HIVEP1: variants seen among roughly 807,000 people sequenced by gnomAD.
HIVEP1 encodes the protein HIVEP zinc finger 1, also known as zinc finger protein 40.
HIVEP1 carries 36 observed loss-of-function variants against 180.0 expected under a neutral mutation model. That is an observed-to-expected ratio of 0.20 (90% CI 0.15 to 0.26). The LOEUF (loss-of-function observed/expected upper bound fraction) is 0.26. HIVEP1 is among the 10% of genes least tolerant of loss of function. The probability of loss-of-function intolerance (pLI) is 1.00; values close to 1 mark genes in which losing one functional copy is unlikely to be tolerated. For missense variants in HIVEP1, 3,143 were observed against 3,268.7 expected (o/e 0.96, Z 0.94); for synonymous variants, 1,239 against 1,239.0 (o/e 1.00, Z 0.00).
At position 12,012,584 on chromosome 6, in the gene HIVEP1, C is replaced by G. The variant is rs1395177585; in HGVS notation, c.-104+18C>G. The G allele has an allele frequency of 5.6e-5, 6 of 107,302 alleles. No homozygotes were observed. Among genetic ancestry groups the G allele is most frequent in the African/African-American group, 2.4e-4 (6 of 24,630 alleles). The allele number at this position is 107,302 out of a possible 1,614,324, so 6.6% of individuals were successfully genotyped here. A position where few individuals can be genotyped will look rare whatever the true frequency, so the allele number is the denominator to read the frequency against. On this transcript the variant is annotated intron_variant, in intron 1 of 8. Transcript: ENST00000379388. ...GGCAGCAGGTTCGGCGCGGGCTCCG[C>G]GGCGGGGGCGCTGCAGCTGGGGAGG...
At chr6:12,204,360 T>TCTCTTCCCCGTCTTCCTCTTTTACCTC in the HIVEP1 span, among the ~76,000 whole-genome samples, 3 of 150,528 alleles carry the variant, frequency 2.0e-5, no homozygotes, top group Non-Finnish European at 4.4e-5. Context: ...TCAAGCTTCC[T>TCTCTTCCCCGTCTTCCTCTTTTACCTC]CCCTTCCCCG....
chr6:12,191,489 G>A, the HIVEP1 span, among the ~76,000 whole-genome samples: 3 of 152,196 alleles, frequency 2.0e-5, no homozygotes, highest in South Asian at 4.1e-4. Context: ...AACTACTCAG[G>A]AGGCTGAGGT....
intron 6 of HIVEP1, among the ~76,000 whole-genome samples, chr6:12,135,415 A>G (rs1758648334): frequency 6.6e-6 from 1 of 152,228 alleles, no homozygotes; most frequent in Non-Finnish European, 1.5e-5. Flanking sequence ...CAAATGAGAA[A>G]GAGCCAGCAG....
intron 3 of HIVEP1, among the ~76,000 whole-genome samples, chr6:12,092,003 C>G (rs1013743811): frequency 1.3e-5 from 2 of 152,154 alleles, no homozygotes; most frequent in Non-Finnish European, 2.9e-5. Flanking sequence ...AATTTTAATA[C>G]TCTTAAATTT....
chr6:12,193,944 T>TA, the HIVEP1 span, among the ~76,000 whole-genome samples: 1 of 152,178 alleles, frequency 6.6e-6, no homozygotes, highest in African/African-American at 2.4e-5. Flanking sequence ...AATTCAATAT[T>TA]AAAAGGAAAT....
intron 2 of HIVEP1, among the ~76,000 whole-genome samples, chr6:12,074,751 T>C (rs1276534655): frequency 1.4e-5 from 2 of 145,584 alleles, no homozygotes; most frequent in Non-Finnish European, 3.0e-5. Flanking sequence ...TTTAAAAAAT[T>C]ATCACTTTTT....
intron 2 of HIVEP1, among the ~76,000 whole-genome samples, chr6:12,046,845 C>CTGTGTGTGTGTGTGTG (rs372934680): frequency 0.086 from 12,112 of 140,844 alleles, 589 homozygotes; most frequent in Admixed American, 0.12. Flanking sequence ...TGCCACTACA[C>CTGTGTGTGTGTGTGTG]TGTGTGTGTG....
intron 3 of HIVEP1, among the ~76,000 whole-genome samples, chr6:12,093,688 A>G (rs1773622982): frequency 6.6e-6 from 1 of 151,260 alleles, no homozygotes; most frequent in Non-Finnish European, 1.5e-5. Flanking sequence ...TTAATTTTTC[A>G]TTTTTGTGTG....
intron 2 of HIVEP1, among the ~76,000 whole-genome samples, chr6:12,040,488 C>T (rs570555631): frequency 6.6e-6 from 1 of 152,148 alleles, no homozygotes; most frequent in Non-Finnish European, 1.5e-5. Flanking sequence ...TGAGGCTGTA[C>T]TACTGTTTTG....
the HIVEP1 span, among the ~76,000 whole-genome samples, chr6:12,197,774 A>T: frequency 6.6e-6 from 1 of 152,132 alleles, no homozygotes; most frequent in African/African-American, 2.4e-5. Context: ...ATGAATTAAG[A>T]TGGTAGAGAA....
At chr6:12,039,619 G>A (rs902599984) in intron 2 of HIVEP1, among the ~76,000 whole-genome samples, 1 of 152,202 alleles carries the variant, frequency 6.6e-6, no homozygotes, top group Admixed American at 6.5e-5. Flanking sequence ...GGAGGTTAGA[G>A]GGAGGTCCTG....
intron 2 of HIVEP1, among the ~76,000 whole-genome samples, chr6:12,066,163 C>T (rs979724084): frequency 6.6e-6 from 1 of 152,040 alleles, no homozygotes; most frequent in Non-Finnish European, 1.5e-5. Flanking sequence ...GATTCTTACG[C>T]TGGATGGGAA....
At chr6:12,075,421 T>G (rs543163546) in intron 2 of HIVEP1, among the ~76,000 whole-genome samples, 34 of 152,346 alleles carry the variant, frequency 2.2e-4, no homozygotes, top group African/African-American at 7.5e-4. Context: ...GCTCAGATGA[T>G]TTTTAGGGGC....
intron 7 of HIVEP1, among the ~76,000 whole-genome samples, chr6:12,156,319 C>T (rs985528055): frequency 1.3e-5 from 2 of 152,098 alleles, no homozygotes; most frequent in Non-Finnish European, 2.9e-5. Flanking sequence ...GTGACTGTAT[C>T]CTGAATGATA....
chr6:12,121,920 C>A lies in HIVEP1; in HGVS notation c.2125C>A (p.Pro709Thr). The change falls in exon 4 of 9, where the codon CCC becomes ACC. Residue 709 changes from proline (P) to threonine (T), a missense_variant. Transcript: ENST00000379388. This position sits in a 1 kb window ranked among gnomAD's most constrained non-coding sequence, Gnocchi z 5.3. ...ACAAGACTCTGGAAGGAGTAACGGACCCTCTGCAGCTCTTGTCACCACGTC... is the reference window on the plus strand; with the variant it reads ...ACAAGACTCTGGAAGGAGTAACGGAACCTCTGCAGCTCTTGTCACCACGTC... Reference protein sequence around the residue: ...TEQDSGRSNGPSAALVTTSTP... With the variant: ...TEQDSGRSNGTSAALVTTSTP... The A allele has an allele frequency of 6.2e-7, 1 of 1,614,152 alleles. No individual in the cohort carries two copies.
downstream of HIVEP1, among the ~76,000 whole-genome samples, chr6:12,168,060 T>TA (rs1554161455): frequency 3.5e-4 from 3 of 8,672 alleles, no homozygotes; most frequent in East Asian, 0.034. Flanking sequence ...TATGTGTATA[T>TA]ATACATATAT....
intron 6 of HIVEP1, 151 bp downstream of exon 6, chr6:12,131,093 T>C: frequency 4.5e-6 from 2 of 446,884 alleles, no homozygotes; most frequent in Non-Finnish European, 7.8e-6. Flanking sequence ...CTTATTACTT[T>C]ATATGATTTT....
intron 2 of HIVEP1, among the ~76,000 whole-genome samples, chr6:12,065,749 A>G (rs1771533486): frequency 6.6e-6 from 1 of 151,728 alleles, no homozygotes; most frequent in Non-Finnish European, 1.5e-5. Context: ...AACTGAAAAG[A>G]GCTCTAAGTC....
intron 6 of HIVEP1, among the ~76,000 whole-genome samples, chr6:12,134,459 A>G (rs1758597402): frequency 1.3e-5 from 2 of 152,204 alleles, no homozygotes; most frequent in Admixed American, 1.3e-4. Context: ...GACCAGTTTC[A>G]CAGGCTTAGT....
Sources: gnomAD v4.1 joint callset for allele counts (sites outside exome capture counted in the v4.1 genomes callset) on GRCh38, gnomAD v4.1.1 for gene constraint, Gnocchi (gnomAD v3.1) non-coding constraint, MANE v1.5 for transcripts, NCBI Gene and HGNC (gene_info 2026-07-23, HGNC 2026-07-21) for gene names.